ARHGEF37: variants seen among roughly 807,000 people sequenced by gnomAD.
ARHGEF37 encodes Rho guanine nucleotide exchange factor (GEF) 37.
ARHGEF37 carries 55 observed loss-of-function variants against 71.1 expected under a neutral mutation model. That is an observed-to-expected ratio of 0.77 (90% CI 0.62 to 0.97). ARHGEF37 has a LOEUF of 0.97. Ranked by LOEUF, ARHGEF37 falls within the 50% of genes least tolerant of loss-of-function variation. The pLI is 0.00. For missense variants in ARHGEF37, 765 were observed against 836.8 expected (o/e 0.91, Z 1.06); for synonymous variants, 327 against 350.6 (o/e 0.93, Z 0.75).
intron 4 of ARHGEF37, among the ~76,000 whole-genome samples, chr5:149,613,581 G>A (rs908780795): frequency 2.0e-5 from 3 of 152,146 alleles, no homozygotes; most frequent in East Asian, 1.9e-4. Context: ...TCTTGACCTC[G>A]TGATCTGCCA....
rs57745588 is a variant in ARHGEF37 at position 149,599,434 on chromosome 5, C to CTTATTTATTTATTTAT, written c.186+1487_186+1502dup. Among the ~76,000 whole-genome samples the CTTATTTATTTATTTAT allele has an allele frequency of 4.7e-3, 697 of 147,884 alleles. 6 individuals are homozygous for CTTATTTATTTATTTAT. The highest frequency in any genetic ancestry group is 0.013 in the African/African-American group (527 of 39,430). On this transcript the variant is annotated intron_variant, in intron 2 of 12. Transcript: ENST00000333677. The stretch of plus-strand genomic sequence containing the variant: ...CTCACCCAGGAAAGCCCAAGGCAAA[C>CTTATTTATTTATTTAT]TTATTTATTTATTTATTTATTTACA...
intron 1 of ARHGEF37, among the ~76,000 whole-genome samples, chr5:149,589,184 T>A (rs1295448900): frequency 6.8e-6 from 1 of 147,296 alleles, no homozygotes; most frequent in African/African-American, 2.6e-5. Context: ...CAGAGTGAGA[T>A]CCTGTCTCTT....
chr5:149,609,562 G>T lies in ARHGEF37; in HGVS notation c.325G>T (p.Glu109Ter), dbSNP rs769516002. ...QVQLVGNIFLEFQEELEQVYK... is the reference protein window; with the variant it reads ...QVQLVGNIFL ...TTCACTCTCAGGTAACATATTTCTG[G>T]AATTCCAAGAGGAGTTGGAGCAAGT... The change falls in exon 4 of 13, where the codon GAA (glutamate) becomes TAA (stop). Residue 109 changes from glutamate (E) to a stop codon, truncating the protein, a stop_gained. Coordinates refer to ENST00000333677, the MANE Select transcript of ARHGEF37 (RefSeq NM_001001669.3). LOFTEE classifies it high-confidence loss of function. The T allele has an allele frequency of 1.2e-6, 2 of 1,614,010 alleles. No individual in the cohort carries two copies. The highest frequency in any genetic ancestry group is 3.3e-5 in the Admixed American group (2 of 60,022).
Position 149,624,649 on chromosome 5 carries a change from C to A in ARHGEF37, c.1464+509C>A, listed in dbSNP as rs991406659. Among the ~76,000 whole-genome samples, 11 of 151,640 alleles carry A rather than the reference C, an allele frequency of 7.3e-5. No homozygotes were observed. In the South Asian group the frequency reaches 1.7e-3, roughly 23 times the overall value. ...ATTAGCTGAGCGTGGTGGTGTGCAC[C>A]TCCCAGCTACTTGGGAGGCTGAGGC... On this transcript the variant is annotated intron_variant, in intron 10 of 12. Transcript: ENST00000333677.
At chr5:149,629,381 GAAGTTA>G (rs1235110706) in intron 12 of ARHGEF37, among the ~76,000 whole-genome samples, 30 of 152,222 alleles carry the variant, frequency 2.0e-4, no homozygotes, top group Admixed American at 2.6e-4. Flanking sequence ...ATGACTAACT[GAAGTTA>G]AAGTTAATAG....
intron 1 of ARHGEF37, among the ~76,000 whole-genome samples, chr5:149,571,766 A>G (rs1486022536): frequency 6.6e-6 from 1 of 151,950 alleles, no homozygotes; most frequent in African/African-American, 2.4e-5. Context: ...ACAAAAAATA[A>G]AAAGTTAGCT....
intron 1 of ARHGEF37, among the ~76,000 whole-genome samples, chr5:149,590,077 G>T (rs1314569004): frequency 6.6e-6 from 1 of 152,094 alleles, no homozygotes; most frequent in Admixed American, 6.5e-5. Context: ...ACTTTTTCCT[G>T]ATCTTTGTAT....
At chr5:149,565,292 C>T (rs565771854) in intron 1 of ARHGEF37, among the ~76,000 whole-genome samples, 2 of 152,248 alleles carry the variant, frequency 1.3e-5, no homozygotes, top group African/African-American at 2.4e-5. Flanking sequence ...CCCAGTGGAC[C>T]GATGAGCCAT....
chr5:149,574,068 G>C (rs1202203654), intron 1 of ARHGEF37, among the ~76,000 whole-genome samples: 1 of 152,162 alleles, frequency 6.6e-6, no homozygotes, highest in Non-Finnish European at 1.5e-5. Flanking sequence ...GAGTGAAAAT[G>C]GTTGTATCAA....
chr5:149,598,463 T>G (rs1015097836), intron 2 of ARHGEF37, among the ~76,000 whole-genome samples: 1 of 150,732 alleles, frequency 6.6e-6, no homozygotes, highest in African/African-American at 2.4e-5. Context: ...CTTCTTCCTC[T>G]TCTTTCTTTT....
chr5:149,608,830 G>A (rs1019908883), intron 3 of ARHGEF37, among the ~76,000 whole-genome samples: 4 of 152,092 alleles, frequency 2.6e-5, no homozygotes, highest in Admixed American at 1.3e-4. Context: ...TTATGCTGTA[G>A]CATGTCTTTG....
chr5:149,584,479 G>A (rs1227558954), intron 1 of ARHGEF37, among the ~76,000 whole-genome samples: 3 of 152,172 alleles, frequency 2.0e-5, no homozygotes, highest in Non-Finnish European at 4.4e-5. Context: ...TTTTCTGTAA[G>A]CACAGTGACT....
At chr5:149,594,335 A>G (rs941080327) in intron 1 of ARHGEF37, among the ~76,000 whole-genome samples, 1 of 152,250 alleles carries the variant, frequency 6.6e-6, no homozygotes, top group Non-Finnish European at 1.5e-5. Flanking sequence ...ATCTTTCTAG[A>G]GAAGCTGTGC....
At chr5:149,576,177 G>A (rs914653349) in intron 1 of ARHGEF37, among the ~76,000 whole-genome samples, 9 of 152,338 alleles carry the variant, frequency 5.9e-5, no homozygotes, top group East Asian at 1.9e-4. Context: ...CCTGGGAAGC[G>A]GAAGTTGCAG....
chr5:149,555,334 C>T (rs1416373165), intron 1 of ARHGEF37, among the ~76,000 whole-genome samples: 1 of 152,018 alleles, frequency 6.6e-6, no homozygotes, highest in Non-Finnish European at 1.5e-5. Flanking sequence ...GTCAAAGTCT[C>T]ACTCTGTCAC....
chr5:149,628,799 T>G lies in ARHGEF37; in HGVS notation c.1661-10T>G, dbSNP rs74354702. The G allele has an allele frequency of 1.9e-6, 3 of 1,609,322 alleles. No individual in the cohort carries two copies. Among genetic ancestry groups the G allele is most frequent in the Non-Finnish European group, 2.5e-6 (3 of 1,177,570 alleles). The stretch of plus-strand genomic sequence containing the variant: ...GCCCGCAGCCTGCTAACCTTCTGCA[T>G]GCTCCCTAGGACATCGTGGGTATGT... On this transcript the variant is annotated splice_polypyrimidine_tract_variant and intron_variant, in intron 11 of 12. Coordinates refer to ENST00000333677, the MANE Select transcript of ARHGEF37 (RefSeq NM_001001669.3).
chr5:149,565,002 C>A (rs917132095), intron 1 of ARHGEF37, among the ~76,000 whole-genome samples: 2 of 152,130 alleles, frequency 1.3e-5, no homozygotes, highest in South Asian at 4.1e-4. Context: ...TCAGGCACAG[C>A]CAGAAAGCTG....
rs981372041 is a variant in ARHGEF37 at position 149,560,646 on chromosome 5, G to C, written c.-12+8523G>C. 4.6e-5 allele frequency among the ~76,000 whole-genome samples: 7 copies of C among 152,190 alleles called. No homozygotes were observed. In the East Asian group the frequency reaches 1.4e-3, roughly 29 times the overall value. ...TTTAAAAATATTGTGCTATTGGTTG[G>C]GTGCGGTGGCTCATGCCTGTAATCC... On this transcript the variant is annotated intron_variant, in intron 1 of 2. Coordinates refer to the ARHGEF37 transcript ENST00000505810.
In ARHGEF37 at chr5:149,632,595, C is replaced by G. The variant is rs1333023488; in HGVS notation, c.*404C>G. 4 of 212,090 alleles carry G rather than the reference C, an allele frequency of 1.9e-5. No homozygotes were observed. In the East Asian group the frequency reaches 3.0e-4, roughly 16 times the overall value. 13.1% of individuals were successfully genotyped at this position (212,090 alleles called of 1,614,324 possible). On this transcript the variant is annotated 3_prime_UTR_variant, in exon 13 of 13. Transcript: ENST00000333677. Reference sequence around the variant, plus strand: ...GCTGTGTGGTTGCAGGAAGCGGGTTCTGGAGGAGTCCAGAACTGCCTGGTC... The same window carrying G: ...GCTGTGTGGTTGCAGGAAGCGGGTTGTGGAGGAGTCCAGAACTGCCTGGTC...
Sources: allele counts gnomAD v4.1 joint callset (sites outside exome capture counted in the v4.1 genomes callset), GRCh38; gene constraint gnomAD v4.1.1; transcripts MANE v1.5; gene names NCBI Gene and HGNC (gene_info 2026-07-23, HGNC 2026-07-21).